Variants in LGI3 observed in about 807,000 individuals in gnomAD.
LGI3 encodes the protein leucine-rich repeat LGI family member 3.
A neutral mutation model predicts 55.4 loss-of-function variants in LGI3; 47 were observed. The ratio of observed to expected loss-of-function variants is 0.85; its 90% CI spans 0.67 to 1.08. LGI3 has a LOEUF of 1.08. LGI3 is among the 50% of genes least tolerant of loss of function. The probability of loss-of-function intolerance (pLI) is 0.00; values close to 1 mark genes in which losing one functional copy is unlikely to be tolerated. For missense variants in LGI3, 664 were observed against 726.3 expected, an observed-to-expected ratio of 0.91 and a Z score of 0.99; for synonymous variants, 326 against 315.0, an observed-to-expected ratio of 1.04 and a Z score of -0.37.
At chr8:22,149,339 G>A (rs939456128) in intron 7 of LGI3, among the ~76,000 whole-genome samples, 1 of 152,208 alleles carries the variant, frequency 6.6e-6, no homozygotes, top group African/African-American at 2.4e-5. Flanking sequence ...CATCGATGAG[G>A]AATTCATCAC....
chr8:22,156,400 T>A lies in LGI3; in HGVS notation c.143A>T (p.Asp48Val). Residue 48 changes from aspartate to valine, a missense_variant, in exon 1 of 8, where the codon GAC (aspartate) becomes GTC (valine). By Grantham distance (152) the Asp-to-Val change is radical. Coordinates refer to ENST00000306317, the MANE Select transcript of LGI3 (RefSeq NM_139278.4). Reference protein sequence around the residue: ...PCPPSCSCTRDTAFCVDSKAV... With the variant: ...PCPPSCSCTRVTAFCVDSKAV... ...CTTTGAGTCCACGCAGAAGGCGGTG[T>A]CCCTGGTGCAAGAGCAGCTGGGCGG... 1 of 1,601,280 alleles carries A rather than the reference T, an allele frequency of 6.2e-7. No individual in the cohort carries two copies. The highest frequency in any genetic ancestry group is 8.5e-7 in the Non-Finnish European group (1 of 1,175,216).
chr8:22,148,155 A>G lies in LGI3; in HGVS notation c.*5T>C. ...CCCTGAGGAGACCAGAGGCCTCGGC[A>G]CCCCCTAGGCACTGAGATCCACCAC... On this transcript the variant is annotated 3_prime_UTR_variant, in exon 8 of 8. Transcript: ENST00000306317. This position sits in a 1 kb window ranked among gnomAD's most constrained non-coding sequence, Gnocchi z 7.0. The G allele has an allele frequency of 6.3e-7, 1 of 1,577,030 alleles. No individual in the cohort carries two copies. Among genetic ancestry groups the G allele is most frequent in the South Asian group, 1.2e-5 (1 of 85,514 alleles).
In LGI3 at chr8:22,154,223, G is replaced by T. The variant is rs773222760; in HGVS notation, c.351-10C>A. 6.2e-7 allele frequency: 1 copy of T among 1,612,774 alleles called. No individual in the cohort carries two copies. The highest frequency in any genetic ancestry group is 1.7e-5 in the Admixed American group (1 of 60,010). ...ATTGTTCTCAATGAAGCTGGGGAAA[G>T]CGGGAACTTGCCTCAGTGCTCACAC... On this transcript the variant is annotated splice_polypyrimidine_tract_variant and intron_variant, in intron 3 of 7. Transcript: ENST00000306317.
chr8:22,153,180 G>C (rs1304857834), intron 5 of LGI3, among the ~76,000 whole-genome samples: 2 of 150,354 alleles, frequency 1.3e-5, no homozygotes, highest in Admixed American at 6.6e-5. Context: ...TGCCTCCCAG[G>C]TTGAAGTGAT....
chr8:22,151,527 T>C lies in LGI3; in HGVS notation c.791A>G (p.Tyr264Cys). 6.2e-7 allele frequency: 1 copy of C among 1,614,114 alleles called. No homozygotes were observed. Among genetic ancestry groups the C allele is most frequent in the South Asian group, 1.1e-5 (1 of 91,086 alleles). ...ATAGTCTCGAAGCTGCCGCTCAACA[T>C]AGTCCCACTTCAGGATGGTGCAGGC... ...VSACTILKWD[Y>C]VERQLRDYDR... The change falls in exon 7 of 8, where the codon TAT becomes TGT. Residue 264 changes from tyrosine (Y) to cysteine (C), a missense_variant. Physicochemically the swap from Tyr to Cys is radical, Grantham distance 194. Transcript: ENST00000306317.
In LGI3 at chr8:22,152,004, C is replaced by A; in HGVS notation, c.495-4G>T. 1 of 1,592,292 alleles carries A rather than the reference C, an allele frequency of 6.3e-7. No individual in the cohort carries two copies. The highest frequency in any genetic ancestry group is 1.1e-5 in the South Asian group (1 of 88,934). Reference sequence around the variant, plus strand: ...GAGTGAGTTGCCCCGCAGGTCCCTGCATCATGAGGGCAGAGGAGGGGGGCA... The same window carrying A: ...GAGTGAGTTGCCCCGCAGGTCCCTGAATCATGAGGGCAGAGGAGGGGGGCA... On this transcript the variant is annotated splice_region_variant and splice_polypyrimidine_tract_variant and intron_variant, in intron 5 of 7. Transcript: ENST00000306317.
intron 5 of LGI3, among the ~76,000 whole-genome samples, chr8:22,153,712 A>T (rs1245508546): frequency 2.5e-5 from 3 of 119,974 alleles, no homozygotes; most frequent in African/African-American, 7.3e-5. Context: ...GTCTATAATT[A>T]AAAAAAAAAA....
chr8:22,151,758 T>G (rs1586408012), intron 6 of LGI3, 73 bp downstream of exon 6: 1 of 1,565,368 alleles, frequency 6.4e-7, no homozygotes, highest in South Asian at 1.2e-5. Context: ...TGGGGCAGGG[T>G]GGGGGGTTTC....
At position 22,151,479 on chromosome 8, in the gene LGI3, G is replaced by A; in HGVS notation, c.829+10C>T. The A allele has an allele frequency of 1.2e-6, 2 of 1,613,152 alleles. No homozygotes were observed. Among genetic ancestry groups the A allele is most frequent in the Non-Finnish European group, 1.7e-6 (2 of 1,179,556 alleles). ...GCAAGGGCCAGCAGAACCAGATTGG[G>A]CGCAGGTACCTGGGATTCTATCATA... is the stretch of plus-strand genomic sequence containing the variant. On this transcript the variant is annotated intron_variant, in intron 7 of 7. Coordinates refer to ENST00000306317, the MANE Select transcript of LGI3 (RefSeq NM_139278.4).
In LGI3 at chr8:22,148,567, G is replaced by C; in HGVS notation, c.1240C>G (p.Gln414Glu). ...WSRTQKQFVAQGEVTQVPDAQ... is the reference protein window; with the variant it reads ...WSRTQKQFVAEGEVTQVPDAQ... ...TCAGGCACCTGGGTCACCTCACCCT[G>C]GGCCACAAACTGCTTCTGGGTGCGA... Residue 414 changes from glutamine (Q) to glutamate (E), a missense_variant, in exon 8 of 8, where the codon CAG (glutamine) becomes GAG (glutamate). Transcript: ENST00000306317. The surrounding 1 kb of genome is among the most constrained non-coding windows in gnomAD (Gnocchi z 7.0). The C allele has an allele frequency of 1.2e-6, 2 of 1,613,846 alleles. No individual in the cohort carries two copies. Among genetic ancestry groups the C allele is most frequent in the Middle Eastern group, 3.3e-4 (2 of 6,062 alleles).
chr8:22,154,154 G>A lies in LGI3; in HGVS notation c.410C>T (p.Ser137Phe). The A allele has an allele frequency of 1.2e-6, 2 of 1,613,974 alleles. No individual in the cohort carries two copies. Among genetic ancestry groups the A allele is most frequent in the Non-Finnish European group, 8.5e-7 (1 of 1,179,888 alleles). ...GTGACGTACTCACAGGTGAGTCAAGGACTTGAGTCCTCGGAAGGTGAACTT... is the reference window on the plus strand; with the variant it reads ...GTGACGTACTCACAGGTGAGTCAAGAACTTGAGTCCTCGGAAGGTGAACTT... ...LSKFTFRGLKSLTHLSLANNN... is the reference protein window; with the variant it reads ...LSKFTFRGLKFLTHLSLANNN... Residue 137 changes from serine to phenylalanine, a missense_variant, in exon 4 of 8, where the codon TCC becomes TTC. Ser to Phe is a radical substitution (Grantham distance 155). Coordinates refer to ENST00000306317, the MANE Select transcript of LGI3 (RefSeq NM_139278.4).
At position 22,148,952 on chromosome 8, in the gene LGI3, C is replaced by T. The variant is rs531787685; in HGVS notation, c.855G>A (p.Pro285=). The change falls in exon 8 of 8, where the codon CCG becomes CCA. Residue 285 remains proline (P), a synonymous_variant. Coordinates refer to ENST00000306317, the MANE Select transcript of LGI3 (RefSeq NM_139278.4). The surrounding 1 kb of genome is among the most constrained non-coding windows in gnomAD (Gnocchi z 7.0). ...CGTACAGCTGGCTGTCCACCACCAT[C>T]GGCTTGCAGTGCACTGCAGAGGGGG... ...IPAPSAVHCK[P]MVVDSQLYVV... The T allele has an allele frequency of 8.9e-5, 143 of 1,612,802 alleles. 1 individual carries two copies. In the South Asian group the frequency reaches 9.8e-4, roughly 11 times the overall value.
At position 22,147,872 on chromosome 8, in the gene LGI3, G is replaced by T; in HGVS notation, c.*288C>A. 1 of 411,570 alleles carries T rather than the reference G, an allele frequency of 2.4e-6. No individual in the cohort carries two copies. Among genetic ancestry groups the T allele is most frequent in the Non-Finnish European group, 4.4e-6 (1 of 228,824 alleles). 25.5% of individuals were successfully genotyped at this position (411,570 alleles called of 1,614,324 possible). A position where few individuals can be genotyped will look rare whatever the true frequency, so the allele number is the denominator to read the frequency against. The stretch of plus-strand genomic sequence containing the variant: ...CCGCACCACTCGTGCATGAGACAGG[G>T]GGCAGAGCATGGGAAAGGCTGCAGA... On this transcript the variant is annotated 3_prime_UTR_variant, in exon 8 of 8. Transcript: ENST00000306317.
chr8:22,151,645 A>G lies in LGI3; in HGVS notation c.673T>C (p.Leu225=), dbSNP rs762985193. Residue 225 remains leucine (L), a synonymous_variant, in exon 7 of 8, where the codon TTG becomes CTG. Transcript: ENST00000306317. ...EFDCITTDFV[L]YQTLAFPAVS... The stretch of plus-strand genomic sequence containing the variant: ...GCTGGGAAGGCCAGGGTCTGGTACA[A>G]CACAAAATCTGCAAGATGAGAGGTG... The G allele has an allele frequency of 3.1e-6, 5 of 1,613,880 alleles. No individual in the cohort carries two copies. The highest frequency in any genetic ancestry group is 1.3e-5 in the African/African-American group (1 of 75,044).
Position 22,151,648 on chromosome 8 carries a change from C to G in LGI3, c.670G>C (p.Val224Leu). 1.2e-6 allele frequency: 2 copies of G among 1,613,706 alleles called. No individual in the cohort carries two copies. Among genetic ancestry groups the G allele is most frequent in the South Asian group, 1.1e-5 (1 of 91,064 alleles). Reference sequence around the variant, plus strand: ...GGGAAGGCCAGGGTCTGGTACAACACAAAATCTGCAAGATGAGAGGTGCGT... The same window carrying G: ...GGGAAGGCCAGGGTCTGGTACAACAGAAAATCTGCAAGATGAGAGGTGCGT... Reference protein sequence around the residue: ...REFDCITTDFVLYQTLAFPAV... With the variant: ...REFDCITTDFLLYQTLAFPAV... Residue 224 changes from valine (V) to leucine (L), a missense_variant, in exon 7 of 8, where the codon GTG becomes CTG. Transcript: ENST00000306317.
At chr8:22,151,758 T>TG in intron 6 of LGI3, 73 bp downstream of exon 6, 1 of 1,565,366 alleles carries the variant, frequency 6.4e-7, no homozygotes, top group Admixed American at 1.7e-5. Context: ...TGGGGCAGGG[T>TG]GGGGGGTTTC....
At chr8:22,154,765 C>A (rs558533574) in intron 2 of LGI3, 134 bp from the exon 3 acceptor site, 2 of 676,756 alleles carry the variant, frequency 3.0e-6, no homozygotes, top group African/African-American at 1.8e-5. Flanking sequence ...CATGGGGAAT[C>A]CCTGGGCCAC....
At position 22,156,579 on chromosome 8, in the gene LGI3, G is replaced by C. The variant is rs2131799442; in HGVS notation, c.-37C>G. 1 of 845,170 alleles carries C rather than the reference G, an allele frequency of 1.2e-6. No individual in the cohort carries two copies. The highest frequency in any genetic ancestry group is 5.5e-5 in the South Asian group (1 of 18,104). The allele number at this position is 845,170 out of a possible 1,614,324, so 52.4% of individuals were successfully genotyped here. The stretch of plus-strand genomic sequence containing the variant: ...TCTCTCCCTGGGGCCGGCGGCCGCG[G>C]CCCCCGCCCCACCGCTCCCGCGGCT... On this transcript the variant is annotated 5_prime_UTR_variant, in exon 1 of 8. Transcript: ENST00000306317.
At chr8:22,149,014 C>T (rs780943362) in intron 7 of LGI3, 37 bp from the exon 8 acceptor site, 51 of 1,495,428 alleles carry the variant, frequency 3.4e-5, no homozygotes, top group South Asian at 1.3e-4. Flanking sequence ...TCAGGCAGGC[C>T]GGCGGCTCCC....
Sources: allele counts gnomAD v4.1 joint callset (sites outside exome capture counted in the v4.1 genomes callset), GRCh38; gene constraint gnomAD v4.1.1; non-coding constraint Gnocchi (gnomAD v3.1); transcripts MANE v1.5; gene names NCBI Gene and HGNC (gene_info 2026-07-23, HGNC 2026-07-21).